The following PLAC1 variants were observed in gnomAD, a reference collection of about 807,000 sequenced individuals.
The protein encoded by PLAC1 is placenta-specific protein 1.
For missense variants in PLAC1, 136 were observed against 163.2 expected (o/e 0.83, Z 0.91); for synonymous variants, 68 against 62.1 (o/e 1.09, Z -0.44).
chrX:134,649,644 C>T (rs1199502751), intron 1 of PLAC1, among the ~76,000 whole-genome samples: 2 of 112,190 alleles, frequency 1.8e-5, no homozygotes, highest in African/African-American at 6.5e-5. Context: ...AGAGGAAATA[C>T]ATCCAAATGG....
At chrX:134,725,922 A>T (rs1473944639) in intron 2 of PLAC1, among the ~76,000 whole-genome samples, 2 of 111,850 alleles carry the variant, frequency 1.8e-5, no homozygotes, top group African/African-American at 6.5e-5. Flanking sequence ...GCTTGAACCC[A>T]GGAGGCAGAG....
At chrX:134,694,245 T>C (rs2078554668) in intron 2 of PLAC1, among the ~76,000 whole-genome samples, 1 of 111,475 alleles carries the variant, frequency 9.0e-6, no homozygotes, top group Non-Finnish European at 1.9e-5. Context: ...GCTCAACAAG[T>C]CAATATCAAA....
intron 2 of PLAC1, among the ~76,000 whole-genome samples, chrX:134,587,311 G>C: frequency 9.0e-6 from 1 of 110,696 alleles, no homozygotes; most frequent in Non-Finnish European, 1.9e-5. Context: ...CCAGCACTTT[G>C]TGAAGCCGAG....
chrX:134,699,472 T>C (rs1343592247), intron 2 of PLAC1, among the ~76,000 whole-genome samples: 1 of 112,257 alleles, frequency 8.9e-6, no homozygotes, highest in East Asian at 2.8e-4. Context: ...ACTGTGAGAA[T>C]AAATGCCTAT....
chrX:134,707,180 A>C (rs1262246916), intron 2 of PLAC1, among the ~76,000 whole-genome samples: 1 of 112,421 alleles, frequency 8.9e-6, no homozygotes, highest in Non-Finnish European at 1.9e-5. Flanking sequence ...GTATTTTTTA[A>C]GTACTGAAAG....
intron 2 of PLAC1, among the ~76,000 whole-genome samples, chrX:134,706,109 C>T (rs769299039): frequency 1.8e-5 from 2 of 112,552 alleles, no homozygotes; most frequent in East Asian, 5.6e-4. Flanking sequence ...AGCCTGCTTT[C>T]GCTAGCCAGT....
At chrX:134,675,908 T>C (rs1344109408) in intron 2 of PLAC1, among the ~76,000 whole-genome samples, 1 of 111,190 alleles carries the variant, frequency 9.0e-6, no homozygotes, top group African/African-American at 3.3e-5. Flanking sequence ...CCCCAAAAGG[T>C]AGAATACGGG....
At chrX:134,682,796 T>C (rs2078502920) in intron 2 of PLAC1, among the ~76,000 whole-genome samples, 2 of 111,227 alleles carry the variant, frequency 1.8e-5, no homozygotes, top group African/African-American at 6.5e-5. Context: ...ATTCAGGTGA[T>C]CTGCCCCCCT....
At chrX:134,682,853 G>A (rs2078503463) in intron 2 of PLAC1, among the ~76,000 whole-genome samples, 1 of 111,491 alleles carries the variant, frequency 9.0e-6, no homozygotes, top group Non-Finnish European at 1.9e-5. Flanking sequence ...ACCATGCCCG[G>A]CCTCTATCTG....
rs753996976 is a variant in PLAC1, at chrX:134,566,372, C to A, written c.311G>T (p.Gly104Val). 2.5e-6 allele frequency: 3 copies of A among 1,211,359 alleles called. No individual in the cohort carries two copies. In the Admixed American group the frequency reaches 6.5e-5, roughly 26 times the overall value. The change falls in exon 3 of 3, where the codon GGC becomes GTC. Residue 104 changes from glycine to valine, a missense_variant. Transcript: ENST00000359237. ...YSTEIHYSSKGTPSKFVIPVS... is the reference protein window; with the variant it reads ...YSTEIHYSSKVTPSKFVIPVS... Reference sequence around the variant, plus strand: ...TGGGATCACAAACTTAGATGGCGTGCCCTTAGAAGAGTAGTGTATCTCAGT... The same window carrying A: ...TGGGATCACAAACTTAGATGGCGTGACCTTAGAAGAGTAGTGTATCTCAGT...
intron 2 of PLAC1, among the ~76,000 whole-genome samples, chrX:134,714,959 C>T (rs777237794): frequency 3.7e-4 from 41 of 111,800 alleles, no homozygotes; most frequent in Admixed American, 1.9e-3. Context: ...ATTAGGAATG[C>T]ACACCCAAAG....
chrX:134,599,453 A>T (rs1448096312), intron 2 of PLAC1: 2 of 111,750 alleles, frequency 1.8e-5, no homozygotes, highest in Non-Finnish European at 3.8e-5. Flanking sequence ...CTGCCACCAC[A>T]TGAAGAAAGA....
At chrX:134,708,365 C>A (rs939384249) in intron 2 of PLAC1, among the ~76,000 whole-genome samples, 6 of 110,652 alleles carry the variant, frequency 5.4e-5, no homozygotes, top group African/African-American at 2.0e-4. Flanking sequence ...AAGGTAATCT[C>A]AAAAAGTCAC....
At chrX:134,591,093 C>T (rs767470053) in intron 2 of PLAC1, among the ~76,000 whole-genome samples, 2 of 111,961 alleles carry the variant, frequency 1.8e-5, no homozygotes, top group East Asian at 5.6e-4. Flanking sequence ...TGCTATTTTC[C>T]TTATGCCACT....
intron 1 of PLAC1, among the ~76,000 whole-genome samples, chrX:134,650,163 T>C (rs1271900936): frequency 8.9e-6 from 1 of 112,532 alleles, no homozygotes; most frequent in Non-Finnish European, 1.9e-5. Flanking sequence ...AATCTAAGCA[T>C]AAAAATACTC....
chrX:134,710,343 A>G (rs772950245), intron 2 of PLAC1, among the ~76,000 whole-genome samples: 9 of 112,035 alleles, frequency 8.0e-5, no homozygotes, highest in Non-Finnish European at 7.5e-5. Flanking sequence ...GTATGGTGTC[A>G]TGGGAGCTCA....
intron 2 of PLAC1, among the ~76,000 whole-genome samples, chrX:134,589,995 A>G (rs1407171184): frequency 1.9e-5 from 2 of 106,054 alleles, no homozygotes; most frequent in Non-Finnish European, 3.9e-5. Flanking sequence ...GGAGATCAAG[A>G]CCATCCTGGC....
chrX:134,726,821 C>CAAAAAAA (rs749819041), intron 2 of PLAC1, among the ~76,000 whole-genome samples: 2 of 42,814 alleles, frequency 4.7e-5, no homozygotes, highest in African/African-American at 1.1e-4. Flanking sequence ...GACTCTGTCT[C>CAAAAAAA]AAAAAAAAAA....
At chrX:134,642,634 G>A (rs1175401739) in intron 1 of PLAC1, among the ~76,000 whole-genome samples, 1 of 111,247 alleles carries the variant, frequency 9.0e-6, no homozygotes, top group East Asian at 2.8e-4. Flanking sequence ...AAGACATGAT[G>A]CATAAACTGA....
Sources: allele counts gnomAD v4.1 joint callset (sites outside exome capture counted in the v4.1 genomes callset), GRCh38; gene constraint gnomAD v4.1.1; transcripts MANE v1.5; gene names NCBI Gene and HGNC (gene_info 2026-07-23, HGNC 2026-07-21).